PCDHA4: variants seen among roughly 807,000 people sequenced by gnomAD.
The protein encoded by PCDHA4 is protocadherin alpha-4.
PCDHA4 carries 49 observed loss-of-function variants against 61.4 expected under a neutral mutation model. The ratio of observed to expected loss-of-function variants is 0.80; its 90% CI spans 0.63 to 1.01. The LOEUF (loss-of-function observed/expected upper bound fraction) is 1.01. Ranked by LOEUF, PCDHA4 falls within the 50% of genes least tolerant of loss-of-function variation. PCDHA4 has a pLI of 0.00. For missense variants in PCDHA4, 1,254 were observed against 1,235.8 expected, an observed-to-expected ratio of 1.01 and a Z score of -0.22; for synonymous variants, 590 against 550.3, an observed-to-expected ratio of 1.07 and a Z score of -1.01.
intron 1 of PCDHA4, among the ~76,000 whole-genome samples, chr5:140,831,543 T>C: frequency 8.4e-6 from 1 of 118,834 alleles, no homozygotes; most frequent in East Asian, 2.4e-4. Flanking sequence ...TTTTTTTTTT[T>C]TAAGAGATGG....
At chr5:140,841,779 C>T in intron 1 of PCDHA4, 1 of 1,613,838 alleles carries the variant, frequency 6.2e-7, no homozygotes, top group Non-Finnish European at 8.5e-7. Flanking sequence ...TCTCGGTTTC[C>T]GCTAGAGGGC....
chr5:140,957,188 C>A (rs374236292), intron 1 of PCDHA4, among the ~76,000 whole-genome samples: 1 of 151,992 alleles, frequency 6.6e-6, no homozygotes, highest in Middle Eastern at 3.4e-3. Flanking sequence ...TATTGATGAC[C>A]GATTGGGAAT....
At position 140,928,347 on chromosome 5, in the gene PCDHA4, G is replaced by A. The variant is rs139222568; in HGVS notation, c.2386-50602G>A. 5 of 1,614,148 alleles carry A rather than the reference G, an allele frequency of 3.1e-6. No homozygotes were observed. The African/African-American group carries it at 5.3e-5, about 17-fold the overall frequency. On this transcript the variant is annotated intron_variant, in intron 1 of 3. Coordinates refer to ENST00000530339, the MANE Select transcript of PCDHA4 (RefSeq NM_018907.4). ...ATGGCCTTGTCTCTTATGAGCTGTT[G>A]GATGTTATCTCTGAAGGGCCATCAG...
chr5:140,941,194 TC>T lies in PCDHA4; in HGVS notation c.2386-37754del, dbSNP rs1420421121. 9.3e-3 allele frequency among the ~76,000 whole-genome samples: 1,044 copies of T among 112,328 alleles called. 8 individuals carry two copies. The highest frequency in any genetic ancestry group is 0.018 in the Admixed American group (200 of 11,012). 73.7% of individuals were successfully genotyped at this position (112,328 alleles called of 152,430 possible). The stretch of plus-strand genomic sequence containing the variant: ...CTTGAACATCCTGCTTCTTTTTTTT[TC>T]TTTCTTCCTTTCTTTCTTCCTTTCT... On this transcript the variant is annotated intron_variant, in intron 1 of 3. Coordinates refer to ENST00000530339, the MANE Select transcript of PCDHA4 (RefSeq NM_018907.4).
chr5:140,828,605 C>T, intron 1 of PCDHA4: 1 of 1,614,210 alleles, frequency 6.2e-7, no homozygotes, highest in Non-Finnish European at 8.5e-7. Context: ...AACCTATAAA[C>T]TCAGTTCTAG....
chr5:140,836,112 G>C, intron 1 of PCDHA4: 1 of 1,613,758 alleles, frequency 6.2e-7, no homozygotes. Flanking sequence ...TGGTGGCGCA[G>C]TGAGAGAGCT....
At chr5:140,854,418 TA>T (rs1235351713) in intron 1 of PCDHA4, 1 of 151,722 alleles carries the variant, frequency 6.6e-6, no homozygotes, top group Non-Finnish European at 1.5e-5. Flanking sequence ...AAGTAATCTC[TA>T]AAATCAGAAT....
intron 1 of PCDHA4, chr5:140,876,038 G>C: frequency 6.2e-7 from 1 of 1,613,822 alleles, no homozygotes; most frequent in East Asian, 2.2e-5. Flanking sequence ...AAAGATAAAA[G>C]TATATTGCCT....
chr5:140,833,761 C>A (rs1284549843), intron 1 of PCDHA4, among the ~76,000 whole-genome samples: 5 of 151,960 alleles, frequency 3.3e-5, no homozygotes, highest in African/African-American at 7.3e-5. Context: ...AACACACACA[C>A]ACACACCGCT....
chr5:140,822,964 G>A, intron 1 of PCDHA4: 3 of 1,614,232 alleles, frequency 1.9e-6, no homozygotes, highest in Non-Finnish European at 2.5e-6. Flanking sequence ...CTTCAAGCTG[G>A]TGTCCACCTT....
rs115129184 is a variant in PCDHA4, at chr5:140,964,722, A to G, written c.2386-14227A>G. 3.1e-3 allele frequency among the ~76,000 whole-genome samples: 468 copies of G among 152,140 alleles called. 3 individuals are homozygous for G. The highest frequency in any genetic ancestry group is 5.1e-3 in the Non-Finnish European group (346 of 67,996). On this transcript the variant is annotated intron_variant, in intron 1 of 3. Transcript: ENST00000530339. ...AAGGCCTCCGAGATCAAATTACCAC[A>G]GCAAACTGAGACAGAATTATTGTAG...
At chr5:140,940,110 T>C (rs2092554073) in intron 1 of PCDHA4, among the ~76,000 whole-genome samples, 1 of 152,240 alleles carries the variant, frequency 6.6e-6, no homozygotes, top group Admixed American at 6.5e-5. Context: ...CGTTATGTAT[T>C]ATTTACCTCT....
In PCDHA4 at chr5:140,808,636, C is replaced by A; in HGVS notation, c.1449C>A (p.Asp483Glu). The stretch of plus-strand genomic sequence containing the variant: ...TCACTGTGTCTGCGTGGGACGCGGA[C>A]GCGCAGGAGAACGCGCTGGTGTCCT... ...HIFTVSAWDA[D>E]AQENALVSYS... Residue 483 changes from aspartate (D) to glutamate (E), a missense_variant, in exon 1 of 4, where the codon GAC becomes GAA. Asp to Glu is a conservative substitution (Grantham distance 45). Transcript: ENST00000530339. 6.2e-7 allele frequency: 1 copy of A among 1,613,522 alleles called. No homozygotes were observed. The highest frequency in any genetic ancestry group is 1.7e-5 in the Admixed American group (1 of 60,028).
At position 140,882,956 on chromosome 5, in the gene PCDHA4, A is replaced by G; in HGVS notation, c.2385+73384A>G. The stretch of plus-strand genomic sequence containing the variant: ...GCTGACTGGCACAGTTCAGCTGCTC[A>G]TCACGATTCTGGACGTGAATGACAA... On this transcript the variant is annotated intron_variant, in intron 1 of 3. Coordinates refer to ENST00000530339, the MANE Select transcript of PCDHA4 (RefSeq NM_018907.4). The G allele has an allele frequency of 6.2e-7, 1 of 1,614,228 alleles. No individual in the cohort carries two copies. The highest frequency in any genetic ancestry group is 8.5e-7 in the Non-Finnish European group (1 of 1,180,044).
intron 1 of PCDHA4, among the ~76,000 whole-genome samples, chr5:140,872,376 C>T (rs1270470575): frequency 1.3e-5 from 2 of 152,128 alleles, no homozygotes; most frequent in Non-Finnish European, 2.9e-5. Flanking sequence ...CCTGTAATCC[C>T]AGCTATTTGG....
chr5:140,979,619 G>A (rs1344525241), intron 2 of PCDHA4, among the ~76,000 whole-genome samples: 1 of 152,164 alleles, frequency 6.6e-6, no homozygotes, highest in African/African-American at 2.4e-5. Context: ...AACGGTATTA[G>A]TCTAAGACTC....
chr5:140,955,215 C>A (rs1313314138), intron 1 of PCDHA4, among the ~76,000 whole-genome samples: 1 of 152,148 alleles, frequency 6.6e-6, no homozygotes, highest in Non-Finnish European at 1.5e-5. Flanking sequence ...TAGCATGATG[C>A]CTCCAGCTTT....
At chr5:141,003,052 A>G (rs782531629) in intron 3 of PCDHA4, among the ~76,000 whole-genome samples, 17 of 152,230 alleles carry the variant, frequency 1.1e-4, no homozygotes, top group Non-Finnish European at 1.9e-4. Context: ...CCTTAACAGA[A>G]CAGTTCCAAA....
chr5:140,823,518 G>C (rs1767744121), intron 1 of PCDHA4: 1 of 1,613,536 alleles, frequency 6.2e-7, no homozygotes, highest in Admixed American at 1.7e-5. Context: ...AGCTGGTGCC[G>C]AGGTCAGTGG....
Sources: gnomAD v4.1 joint callset for allele counts (sites outside exome capture counted in the v4.1 genomes callset) on GRCh38, gnomAD v4.1.1 for gene constraint, MANE v1.5 for transcripts, NCBI Gene and HGNC (gene_info 2026-07-23, HGNC 2026-07-21) for gene names.